The following TRAPPC10 variants were observed in gnomAD, a reference collection of about 807,000 sequenced individuals.
TRAPPC10 encodes TRAPP 130 kDa subunit.
A neutral mutation model predicts 125.5 loss-of-function variants in TRAPPC10; 23 were observed. That is an observed-to-expected ratio of 0.18 (90% CI 0.13 to 0.26). The LOEUF (loss-of-function observed/expected upper bound fraction) is 0.26, where lower values mean the gene tolerates loss of function less well. Ranked by LOEUF, TRAPPC10 falls within the 10% of genes least tolerant of loss-of-function variation. The probability of loss-of-function intolerance (pLI) is 1.00; values close to 1 mark genes in which losing one functional copy is unlikely to be tolerated. For synonymous variants in TRAPPC10, 509 were observed against 518.0 expected, an observed-to-expected ratio of 0.98 and a Z score of 0.24; for missense variants, 1,123 against 1,308.4, an observed-to-expected ratio of 0.86 and a Z score of 2.19.
At chr21:44,029,028 A>C (rs1340758369) in intron 1 of TRAPPC10, among the ~76,000 whole-genome samples, 1 of 152,170 alleles carries the variant, frequency 6.6e-6, no homozygotes, top group Non-Finnish European at 1.5e-5. Flanking sequence ...TTAATTACCT[A>C]CCGCGTGAGC....
Position 44,063,562 on chromosome 21 carries a change from T to C in TRAPPC10, c.815T>C (p.Phe272Ser). The C allele has an allele frequency of 6.2e-7, 1 of 1,614,214 alleles. No homozygotes were observed. The highest frequency in any genetic ancestry group is 1.1e-5 in the South Asian group (1 of 91,084). The change falls in exon 7 of 23, where the codon TTC becomes TCC. Residue 272 changes from phenylalanine to serine, a missense_variant. Transcript: ENST00000291574. The surrounding 1 kb of genome is among the most constrained non-coding windows in gnomAD (Gnocchi z 4.4). ...AGDGANWLTF[F>S]CQPVKSWNGL... ...GATGGTGCCAACTGGCTGACTTTTT[T>C]CTGCCAGCCAGTGAAGAGCTGGAAC...
chr21:44,083,130 T>G lies in TRAPPC10; in HGVS notation c.2066T>G (p.Leu689Trp), dbSNP rs1328103900. The change falls in exon 14 of 23, where the codon TTG becomes TGG. Residue 689 changes from leucine to tryptophan, a missense_variant. Around this residue, in one of 4 missense-constraint regions of TRAPPC10, gnomAD observed 840 missense variants for 902.0 expected, o/e 0.93. Transcript: ENST00000291574. ...MFERSPSDNS[L>W]NTTGIICRNV... Reference sequence around the variant, plus strand: ...GAGAGAAGCCCATCTGATAACTCCTTGAACACGACTGGGATTATCTGCAGA... The same window carrying G: ...GAGAGAAGCCCATCTGATAACTCCTGGAACACGACTGGGATTATCTGCAGA... 6.2e-7 allele frequency: 1 copy of G among 1,614,058 alleles called. No individual in the cohort carries two copies. Among genetic ancestry groups the G allele is most frequent in the Non-Finnish European group, 8.5e-7 (1 of 1,180,038 alleles).
At chr21:44,023,025 CTTTTTTTTTTTTTT>C (rs1028804319) in intron 1 of TRAPPC10, among the ~76,000 whole-genome samples, 2 of 80,234 alleles carry the variant, frequency 2.5e-5, no homozygotes, top group Non-Finnish European at 4.4e-5. Context: ...TTCCCTATGT[CTTTTTTTTTTTTTT>C]TTTTTTTTTT....
At position 44,084,223 on chromosome 21, in the gene TRAPPC10, G is replaced by C. The variant is rs759570844; in HGVS notation, c.2340G>C (p.Val780=). ...PHIYPIVQYD[V]YSQEPQLHVE... is the part of the protein sequence containing the mutation. ...TCTACCCCATTGTGCAGTACGACGT[G>C]TACTCACAGGAGCCCCAGCTGCACG... The change falls in exon 15 of 23, where the codon GTG becomes GTC. Residue 780 remains valine (V), a synonymous_variant. Coordinates refer to ENST00000291574, the MANE Select transcript of TRAPPC10 (RefSeq NM_003274.5). The C allele has an allele frequency of 8.7e-6, 14 of 1,613,972 alleles. No individual in the cohort carries two copies. Among genetic ancestry groups the C allele is most frequent in the Non-Finnish European group, 1.0e-5 (12 of 1,180,000 alleles).
Position 44,086,881 on chromosome 21 carries a change from C to T in TRAPPC10, c.2460C>T (p.Ser820=). Residue 820 remains serine, a synonymous_variant, in exon 16 of 23, where the codon AGC becomes AGT. Coordinates refer to ENST00000291574, the MANE Select transcript of TRAPPC10 (RefSeq NM_003274.5). ...ATTATACGATAAAGAATGGAGACAG[C>T]CTGCAGCTTAGCAATGCCGAAGCCA... ...TGHYTIKNGD[S]LQLSNAEAML... The T allele has an allele frequency of 6.2e-7, 1 of 1,614,206 alleles. No homozygotes were observed.
At chr21:44,031,224 C>G (rs1430351027) in intron 1 of TRAPPC10, among the ~76,000 whole-genome samples, 1 of 152,098 alleles carries the variant, frequency 6.6e-6, no homozygotes, top group Non-Finnish European at 1.5e-5. Flanking sequence ...CACATCAATT[C>G]CCAATGATTT....
At chr21:44,049,236 A>G (rs963278174) in intron 3 of TRAPPC10, among the ~76,000 whole-genome samples, 1 of 152,208 alleles carries the variant, frequency 6.6e-6, no homozygotes, top group Non-Finnish European at 1.5e-5. Context: ...ACGTACATAC[A>G]TACATGTACA....
chr21:44,079,222 T>C (rs1326191183), intron 11 of TRAPPC10, among the ~76,000 whole-genome samples: 1 of 152,192 alleles, frequency 6.6e-6, no homozygotes, highest in East Asian at 1.9e-4. Flanking sequence ...GCCTTGGCCC[T>C]CTTGCCTGTC....
intron 7 of TRAPPC10, among the ~76,000 whole-genome samples, chr21:44,068,091 A>G (rs1408969027): frequency 1.3e-5 from 2 of 151,218 alleles, no homozygotes; most frequent in Non-Finnish European, 2.9e-5. Flanking sequence ...CTGCACTCCA[A>G]CTGGGCAAAA....
intron 13 of TRAPPC10, among the ~76,000 whole-genome samples, chr21:44,081,179 C>G (rs2037712163): frequency 6.6e-6 from 1 of 151,818 alleles, no homozygotes; most frequent in African/African-American, 2.4e-5. Context: ...CCACACCCAG[C>G]TATTTTTTTT....
At chr21:44,012,906 C>T (rs1426280409) in intron 1 of TRAPPC10, among the ~76,000 whole-genome samples, 2 of 152,002 alleles carry the variant, frequency 1.3e-5, no homozygotes, top group Non-Finnish European at 2.9e-5. Context: ...GAGCCGCGCG[C>T]CCGGGACCTG....
At chr21:44,020,052 G>T (rs895562694) in intron 1 of TRAPPC10, among the ~76,000 whole-genome samples, 2 of 148,620 alleles carry the variant, frequency 1.3e-5, no homozygotes, top group African/African-American at 5.0e-5. Flanking sequence ...TTAGGCCCCT[G>T]TTTGCAATTT....
intron 18 of TRAPPC10, among the ~76,000 whole-genome samples, chr21:44,090,824 T>G (rs927355590): frequency 6.6e-6 from 1 of 152,212 alleles, no homozygotes; most frequent in Non-Finnish European, 1.5e-5. Context: ...TTTTTTCCCC[T>G]TCAAATCACA....
chr21:44,041,664 G>A lies in TRAPPC10; in HGVS notation c.285+3737G>A, dbSNP rs909722093. On this transcript the variant is annotated intron_variant, in intron 3 of 22. Transcript: ENST00000291574. ...TGGGATTACAGGCGTGAGCCACCAC[G>A]CCCAGCTTTTTTGACTTTTAAAATG... Among the ~76,000 whole-genome samples, 10 of 152,140 alleles carry A rather than the reference G, an allele frequency of 6.6e-5. No homozygotes were observed. In the East Asian group the frequency reaches 1.3e-3, roughly 21 times the overall value.
intron 2 of TRAPPC10, among the ~76,000 whole-genome samples, chr21:44,036,310 C>T (rs2033976612): frequency 6.6e-6 from 1 of 152,226 alleles, no homozygotes; most frequent in South Asian, 2.1e-4. Flanking sequence ...AGGGAAAGTA[C>T]CCCAGACCCT....
Position 44,012,515 on chromosome 21 carries a change from C to T in TRAPPC10, c.22C>T (p.Leu8=). 6.6e-7 allele frequency: 1 copy of T among 1,522,114 alleles called. No individual in the cohort carries two copies. The highest frequency in any genetic ancestry group is 8.8e-7 in the Non-Finnish European group (1 of 1,133,396). 94.3% of individuals were successfully genotyped at this position (1,522,114 alleles called of 1,614,324 possible). MDASEEP[L]PPVIYTMENK... ...GCCCATGGACGCCTCTGAGGAGCCG[C>T]TGCCGCCGGTGATCTACACCATGGA... The change falls in exon 1 of 23, where the codon CTG becomes TTG. Residue 8 remains leucine, a synonymous_variant. Transcript: ENST00000291574.
intron 1 of TRAPPC10, among the ~76,000 whole-genome samples, chr21:44,013,572 A>C (rs2031437825): frequency 6.6e-6 from 1 of 151,936 alleles, no homozygotes; most frequent in African/African-American, 2.4e-5. Context: ...TTTCCCTCTC[A>C]CTCTGTCAGC....
chr21:44,040,800 G>C (rs2034364594), intron 3 of TRAPPC10, among the ~76,000 whole-genome samples: 1 of 148,258 alleles, frequency 6.7e-6, no homozygotes, highest in Admixed American at 6.7e-5. Flanking sequence ...GTTTTTAGTA[G>C]AGATGGGATC....
intron 7 of TRAPPC10, among the ~76,000 whole-genome samples, chr21:44,073,358 C>G (rs1406217922): frequency 6.6e-6 from 1 of 152,120 alleles, no homozygotes; most frequent in Non-Finnish European, 1.5e-5. Flanking sequence ...TTCACCAAAA[C>G]TAGGACACAT....
Sources: allele counts gnomAD v4.1 joint callset (sites outside exome capture counted in the v4.1 genomes callset), GRCh38; gene constraint gnomAD v4.1.1; regional missense constraint gnomAD v4.1.1; non-coding constraint Gnocchi (gnomAD v3.1); transcripts MANE v1.5; gene names NCBI Gene and HGNC (gene_info 2026-07-23, HGNC 2026-07-21).